The following NOD1 variants were observed in gnomAD, a reference collection of about 807,000 sequenced individuals.
NOD1 encodes the protein nucleotide binding oligomerization domain containing 1, also known as nucleotide-binding oligomerization domain-containing protein 1.
A neutral mutation model predicts 81.2 loss-of-function variants in NOD1; 70 were observed. The ratio of observed to expected loss-of-function variants is 0.86; its 90% CI spans 0.71 to 1.05. NOD1 has a LOEUF of 1.05. Among genes scored for constraint, NOD1 ranks in the 50% least tolerant of loss-of-function variants. The pLI, the probability that NOD1 is intolerant of heterozygous loss-of-function variation, is 0.00. For synonymous variants in NOD1, 508 were observed against 526.9 expected (o/e 0.96, Z 0.49); for missense variants, 1,233 against 1,228.0 (o/e 1.00, Z -0.06).
Position 30,448,374 on chromosome 7 carries a change from C to G in NOD1, c.2209G>C (p.Val737Leu). 1 of 1,613,902 alleles carries G rather than the reference C, an allele frequency of 6.2e-7. No individual in the cohort carries two copies. Among genetic ancestry groups the G allele is most frequent in the South Asian group, 1.1e-5 (1 of 91,074 alleles). Residue 737 changes from valine (V) to leucine (L), a missense_variant, in exon 7 of 14, where the codon GTA (valine) becomes CTA (leucine). Transcript: ENST00000222823. The stretch of plus-strand genomic sequence containing the variant: ...ACCCCACCGTCAGTGATCTGGTTTA[C>G]GCTGAGTCTGAAATAAAACAGCAAA... ...FSRLTVLRLSVNQITDGGVKV... is the reference protein window; with the variant it reads ...FSRLTVLRLSLNQITDGGVKV...
At position 30,460,980 on chromosome 7, in the gene NOD1, C is replaced by G. The variant is rs768662408; in HGVS notation, c.-351-939G>C. ...AAAGGAAGCAGGGATTGCAGGATGG[C>G]GGATCTTCAAAGGGAAAAAGGAGAC... On this transcript the variant is annotated intron_variant, in intron 1 of 13. Coordinates refer to ENST00000222823, the MANE Select transcript of NOD1 (RefSeq NM_006092.4). Among the ~76,000 whole-genome samples, 5 of 152,074 alleles carry G rather than the reference C, an allele frequency of 3.3e-5. No individual in the cohort carries two copies. The East Asian group carries it at 9.6e-4, about 29-fold the overall frequency.
At chr7:30,437,815 G>A (rs1164149473) in intron 9 of NOD1, among the ~76,000 whole-genome samples, 159 bp from the exon 10 acceptor site, 1 of 152,220 alleles carries the variant, frequency 6.6e-6, no homozygotes, top group African/African-American at 2.4e-5. Flanking sequence ...CCTCACACTG[G>A]TCTCTGAGTG....
rs562594841 is a variant in NOD1 at position 30,451,231 on chromosome 7, C to T, written c.2186G>A (p.Arg729His). 2.0e-5 allele frequency: 33 copies of T among 1,613,032 alleles called. No homozygotes were observed. Among genetic ancestry groups the T allele is most frequent in the Middle Eastern group, 1.7e-4 (1 of 6,054 alleles). The change falls in exon 6 of 14, where the codon CGC becomes CAC. Residue 729 changes from arginine (R) to histidine (H), a missense_variant. Arg to His is a conservative substitution (Grantham distance 29). Transcript: ENST00000222823. This position sits in a 1 kb window ranked among gnomAD's most constrained non-coding sequence, Gnocchi z 4.2. The stretch of plus-strand genomic sequence containing the variant: ...GCAGCCTCACCTGAGAACAGTGAGG[C>T]GGCTGAAGCAGGGCTGCAGCTCCCG... ...GVRELQPCFS[R>H]LTVLRLSVNQ...
intron 12 of NOD1, among the ~76,000 whole-genome samples, chr7:30,431,257 G>GA (rs1583659876): frequency 6.6e-6 from 1 of 152,148 alleles, no homozygotes; most frequent in Admixed American, 6.5e-5. Flanking sequence ...AAAAAGGAAA[G>GA]AAAAAACAAT....
chr7:30,438,241 T>C (rs1387889172), intron 9 of NOD1, among the ~76,000 whole-genome samples: 1 of 152,218 alleles, frequency 6.6e-6, no homozygotes, highest in Non-Finnish European at 1.5e-5. Flanking sequence ...GCGATAAAGC[T>C]GTATTCTGTC....
In NOD1 at chr7:30,452,357, G is replaced by T. The variant is rs1204919136; in HGVS notation, c.1060C>A (p.Pro354Thr). The change falls in exon 6 of 14, where the codon CCC becomes ACC. Residue 354 changes from proline to threonine, a missense_variant. Coordinates refer to ENST00000222823, the MANE Select transcript of NOD1 (RefSeq NM_006092.4). ...CTGGCATAGGCGCGCAGGTGGCTGG[G>T]GGAGAAGCCCCGGAGAAGCACCTTC... ...RKKVLLRGFSPSHLRAYARRM... is the reference protein window; with the variant it reads ...RKKVLLRGFSTSHLRAYARRM... 3.1e-6 allele frequency: 5 copies of T among 1,613,356 alleles called. No individual in the cohort carries two copies. The highest frequency in any genetic ancestry group is 4.2e-6 in the Non-Finnish European group (5 of 1,180,028).
chr7:30,434,799 C>A (rs946429228), intron 11 of NOD1, among the ~76,000 whole-genome samples: 2 of 152,186 alleles, frequency 1.3e-5, no homozygotes, highest in Non-Finnish European at 2.9e-5. Flanking sequence ...GGACAGCAGG[C>A]CTAATGTCAA....
chr7:30,433,323 C>T, intron 11 of NOD1, 144 bp from the exon 12 acceptor site: 1 of 629,142 alleles, frequency 1.6e-6, no homozygotes, highest in Non-Finnish European at 2.8e-6. Context: ...AGCCAGGCTC[C>T]AAGCCCAGCC....
chr7:30,441,203 G>T (rs1784855251), intron 9 of NOD1, among the ~76,000 whole-genome samples: 1 of 73,122 alleles, frequency 1.4e-5, no homozygotes, highest in Non-Finnish European at 2.7e-5. Context: ...ATCAACTAAT[G>T]AGCAAAATCG....
chr7:30,426,356 G>A (rs1783456281), intron 13 of NOD1, among the ~76,000 whole-genome samples: 1 of 151,508 alleles, frequency 6.6e-6, no homozygotes, highest in Admixed American at 6.6e-5. Flanking sequence ...GGGTCAACCT[G>A]GACACCTTCC....
chr7:30,428,515 C>T (rs1204402123), intron 13 of NOD1: 1 of 152,226 alleles, frequency 6.6e-6, no homozygotes, highest in Non-Finnish European at 1.5e-5. Flanking sequence ...ATGCACATTG[C>T]ATCCTGATAT....
At chr7:30,474,221 T>C (rs1788543976) in intron 1 of NOD1, among the ~76,000 whole-genome samples, 1 of 152,274 alleles carries the variant, frequency 6.6e-6, no homozygotes, top group African/African-American at 2.4e-5. Flanking sequence ...GTAATCATCA[T>C]AATCTTTATC....
intron 8 of NOD1, 73 bp downstream of exon 8, chr7:30,446,894 C>T (rs969104038): frequency 2.4e-6 from 3 of 1,225,372 alleles, no homozygotes; most frequent in Admixed American, 2.1e-5. Context: ...TTTACTGTGA[C>T]ATTTAATCTT....
At chr7:30,455,590 C>T (rs1015725971) in intron 4 of NOD1, among the ~76,000 whole-genome samples, 15 of 143,102 alleles carry the variant, frequency 1.0e-4, no homozygotes, top group East Asian at 6.3e-4. Flanking sequence ...TTCTCTACCT[C>T]TTTTTTTTTT....
chr7:30,428,055 T>C (rs1188755943), intron 13 of NOD1, among the ~76,000 whole-genome samples: 1 of 152,156 alleles, frequency 6.6e-6, no homozygotes. Context: ...TGGGCTCTAT[T>C]CTCTATGATG....
intron 6 of NOD1, among the ~76,000 whole-genome samples, chr7:30,450,172 C>T (rs555215676): frequency 2.0e-5 from 3 of 151,982 alleles, no homozygotes; most frequent in South Asian, 2.1e-4. Context: ...CCAGCCTGGG[C>T]AACAGAGCGG....
chr7:30,458,726 T>G (rs2128076080), intron 3 of NOD1, among the ~76,000 whole-genome samples: 1 of 150,852 alleles, frequency 6.6e-6, no homozygotes, highest in African/African-American at 2.4e-5. Context: ...TATTAAATAC[T>G]AATCCAGCCT....
intron 6 of NOD1, among the ~76,000 whole-genome samples, chr7:30,449,892 T>A (rs544277511): frequency 6.6e-6 from 1 of 152,136 alleles, no homozygotes; most frequent in African/African-American, 2.4e-5. Context: ...GAGTTTCCCA[T>A]TGAAAAGATG....
chr7:30,453,350 C>T (rs1785997385), intron 5 of NOD1, among the ~76,000 whole-genome samples: 2 of 152,170 alleles, frequency 1.3e-5, no homozygotes, highest in Non-Finnish European at 2.9e-5. Flanking sequence ...AGTGTCATCA[C>T]TGAACTGCAG....
Sources: allele counts gnomAD v4.1 joint callset (sites outside exome capture counted in the v4.1 genomes callset), GRCh38; gene constraint gnomAD v4.1.1; non-coding constraint Gnocchi (gnomAD v3.1); transcripts MANE v1.5; gene names NCBI Gene and HGNC (gene_info 2026-07-23, HGNC 2026-07-21).